Variants in INPP5B observed in about 807,000 individuals in gnomAD.
INPP5B encodes inositol polyphosphate-5-phosphatase B.
A neutral mutation model predicts 118.5 loss-of-function variants in INPP5B; 90 were observed. The observed-to-expected ratio is 0.76, with a 90% CI of 0.64 to 0.90. The LOEUF (loss-of-function observed/expected upper bound fraction) is 0.90, where lower values mean the gene tolerates loss of function less well. INPP5B is among the 40% of genes least tolerant of loss of function. The pLI, the probability that INPP5B is intolerant of heterozygous loss-of-function variation, is 0.00. For missense variants in INPP5B, 984 were observed against 1,125.6 expected, an observed-to-expected ratio of 0.87 and a Z score of 1.80; for synonymous variants, 385 against 418.9, an observed-to-expected ratio of 0.92 and a Z score of 0.99.
intron 7 of INPP5B, among the ~76,000 whole-genome samples, chr1:37,925,693 CTGAG>C (rs1645201762): frequency 2.3e-5 from 3 of 127,750 alleles, no homozygotes; most frequent in Admixed American, 2.1e-4. Context: ...CCACTTCTAA[CTGAG>C]TGTTTGTGGG....
Position 37,870,211 on chromosome 1 carries a change from G to A in INPP5B, c.2188-1597C>T, listed in dbSNP as rs564975224. ...CAGGTACTGCAGACTTGAACTCCCA[G>A]GCTCCCTCCCACCTTGGCTTCCCAA... On this transcript the variant is annotated intron_variant, in intron 19 of 23. Coordinates refer to ENST00000373024, the MANE Select transcript of INPP5B (RefSeq NM_005540.3). 2.2e-4 allele frequency among the ~76,000 whole-genome samples: 33 copies of A among 151,702 alleles called. No homozygotes were observed. In the South Asian group the frequency reaches 6.6e-3, roughly 31 times the overall value.
At chr1:37,932,348 ATTTTC>A (rs1420044634) in intron 6 of INPP5B, among the ~76,000 whole-genome samples, 9 of 138,242 alleles carry the variant, frequency 6.5e-5, no homozygotes, top group African/African-American at 1.6e-4. Flanking sequence ...TATTATCCCA[ATTTTC>A]TTTTCTTTTC....
intron 6 of INPP5B, among the ~76,000 whole-genome samples, chr1:37,939,342 C>T (rs535512855): frequency 6.3e-4 from 96 of 151,716 alleles, no homozygotes; most frequent in African/African-American, 2.2e-3. Context: ...CCAGCCTGGG[C>T]AACAAGAGCA....
intron 7 of INPP5B, among the ~76,000 whole-genome samples, chr1:37,919,367 G>A (rs1435241912): frequency 6.6e-6 from 1 of 152,090 alleles, no homozygotes; most frequent in Non-Finnish European, 1.5e-5. Flanking sequence ...GCAAAACCAT[G>A]CAAGCAAAAT....
intron 18 of INPP5B, chr1:37,873,460 A>G (rs1642594873): frequency 2.5e-6 from 1 of 403,896 alleles, no homozygotes; most frequent in African/African-American, 2.0e-5. Context: ...ATAAGAAGGC[A>G]TGGATCAAAG....
chr1:37,940,551 C>T, intron 6 of INPP5B, 137 bp downstream of exon 6: 1 of 605,240 alleles, frequency 1.7e-6, no homozygotes, highest in Non-Finnish European at 3.0e-6. Context: ...CCTGGGGGCA[C>T]TATGGCTTTA....
intron 6 of INPP5B, among the ~76,000 whole-genome samples, chr1:37,937,017 A>G (rs1645723616): frequency 6.6e-6 from 1 of 151,948 alleles, no homozygotes; most frequent in African/African-American, 2.4e-5. Context: ...CGTGGTAAAG[A>G]GTATATGAGG....
rs1408085979 is a variant in INPP5B at position 37,917,293 on chromosome 1, GA to G, written c.532+14619del. On this transcript the variant is annotated intron_variant, in intron 7 of 23. Coordinates refer to ENST00000373024, the MANE Select transcript of INPP5B (RefSeq NM_005540.3). Reference sequence around the variant, plus strand: ...GACAAAGCAAGACTCCGTCTCGGGGGAAAAAAAAAAATAATTATATATATAT... The same window carrying G: ...GACAAAGCAAGACTCCGTCTCGGGGGAAAAAAAAAATAATTATATATATAT... 7.4e-3 allele frequency among the ~76,000 whole-genome samples: 396 copies of G among 53,690 alleles called. 1 individual carries two copies. Among genetic ancestry groups the G allele is most frequent in the South Asian group, 0.013 (12 of 938 alleles). The allele number at this position is 53,690 out of a possible 152,430, so 35.2% of individuals were successfully genotyped here.
intron 7 of INPP5B, chr1:37,931,477 T>C (rs1270320008): frequency 6.5e-7 from 1 of 1,533,222 alleles, no homozygotes; most frequent in South Asian, 1.2e-5. Context: ...CCCACCCGCC[T>C]ACCCTCGTCA....
In INPP5B at chr1:37,864,412, A is replaced by G. The variant is rs368563786; in HGVS notation, c.2526T>C (p.Thr842=). 3.9e-5 allele frequency: 62 copies of G among 1,600,098 alleles called. No homozygotes were observed. Among genetic ancestry groups the G allele is most frequent in the Non-Finnish European group, 5.0e-5 (58 of 1,167,778 alleles). Residue 842 remains threonine (T), a synonymous_variant, in exon 23 of 24, where the codon ACT becomes ACC. Transcript: ENST00000373024. ...NYTASKQVIS[T]LPIFHKNVFH... is the part of the protein sequence containing the mutation. ...AGACATTTTTGTGGAATATGGGGAG[A>G]GTAGAAATGACCTGAAAGAGGAAGA... is the stretch of plus-strand genomic sequence containing the variant.
chr1:37,934,305 A>T (rs1645605784), intron 6 of INPP5B, among the ~76,000 whole-genome samples: 2 of 152,152 alleles, frequency 1.3e-5, no homozygotes, highest in African/African-American at 4.8e-5. Flanking sequence ...TCGTCTGTAA[A>T]ACAGGATATC....
intron 5 of INPP5B, among the ~76,000 whole-genome samples, chr1:37,941,242 C>CTG (rs1425337293): frequency 6.6e-6 from 1 of 152,158 alleles, no homozygotes; most frequent in African/African-American, 2.4e-5. Context: ...GGGAGCTAGA[C>CTG]TGTAGAAGGC....
intron 19 of INPP5B, among the ~76,000 whole-genome samples, chr1:37,872,509 G>A (rs1642522706): frequency 6.6e-6 from 1 of 151,816 alleles, no homozygotes; most frequent in African/African-American, 2.4e-5. Flanking sequence ...AGGCCTTACA[G>A]TTCTTCTCTC....
intron 7 of INPP5B, among the ~76,000 whole-genome samples, chr1:37,927,115 C>G (rs919742906): frequency 1.3e-5 from 2 of 152,116 alleles, no homozygotes; most frequent in Admixed American, 6.6e-5. Context: ...GGTGAAACAC[C>G]ATCCCTACTA....
intron 4 of INPP5B, 35 bp from the exon 5 acceptor site, chr1:37,943,704 T>C: frequency 1.9e-6 from 3 of 1,613,764 alleles, no homozygotes; most frequent in Non-Finnish European, 2.5e-6. Context: ...CCTTAGCAAT[T>C]GAGCTTACTC....
intron 17 of INPP5B, 53 bp downstream of exon 17, chr1:37,875,553 C>A: frequency 7.2e-7 from 1 of 1,395,280 alleles, no homozygotes; most frequent in Non-Finnish European, 1.0e-6. Context: ...CAGGCGTGAG[C>A]CACTGCACCC....
chr1:37,896,649 C>A, intron 7 of INPP5B, among the ~76,000 whole-genome samples: 1 of 136,230 alleles, frequency 7.3e-6, no homozygotes, highest in South Asian at 2.4e-4. Context: ...AGGTGAGGGG[C>A]GCCTCTGCCC....
intron 7 of INPP5B, among the ~76,000 whole-genome samples, chr1:37,916,071 C>T (rs1173372065): frequency 6.6e-6 from 1 of 151,994 alleles, no homozygotes; most frequent in Non-Finnish European, 1.5e-5. Flanking sequence ...AGGCCTACCA[C>T]TGAATTGGTG....
chr1:37,926,086 G>C (rs1192155357), intron 7 of INPP5B, among the ~76,000 whole-genome samples: 4 of 152,166 alleles, frequency 2.6e-5, no homozygotes, highest in African/African-American at 9.7e-5. Context: ...GAGAGTGAGA[G>C]AGAAAACCAC....
Sources: gnomAD v4.1 joint callset for allele counts (sites outside exome capture counted in the v4.1 genomes callset) on GRCh38, gnomAD v4.1.1 for gene constraint, MANE v1.5 for transcripts, NCBI Gene and HGNC (gene_info 2026-07-23, HGNC 2026-07-21) for gene names.